Variants in TRMT11 observed in about 807,000 individuals in gnomAD.
The protein encoded by TRMT11 is tRNA (guanine(10)-N(2))-methyltransferase TRMT11.
In TRMT11, 53 loss-of-function variants were observed where a neutral mutation model predicts 62.8. The ratio of observed to expected loss-of-function variants is 0.84; its 90% confidence interval spans 0.68 to 1.06. The LOEUF (loss-of-function observed/expected upper bound fraction) is 1.06, where lower values mean the gene tolerates loss of function less well. Ranked by LOEUF, TRMT11 falls within the 50% of genes least tolerant of loss-of-function variation. The pLI is 0.00. For missense variants in TRMT11, 556 were observed against 553.4 expected (o/e 1.00, Z -0.05); for synonymous variants, 188 against 190.3 (o/e 0.99, Z 0.10).
At chr6:126,100,834 G>A (rs1777391107) in intron 17 of TRMT11, among the ~76,000 whole-genome samples, 1 of 152,116 alleles carries the variant, frequency 6.6e-6, no homozygotes, top group South Asian at 2.1e-4. Flanking sequence ...CCATAATGTA[G>A]AATCAGTGGG....
At chr6:126,174,984 A>G (rs1778369206), upstream of TRMT11, among the ~76,000 whole-genome samples, 1 of 152,250 alleles carries the variant, frequency 6.6e-6, no homozygotes. Context: ...AGAATGTTGT[A>G]TCAAAAGGAG....
chr6:126,103,440 C>T (rs1317428884), intron 17 of TRMT11, among the ~76,000 whole-genome samples: 1 of 152,188 alleles, frequency 6.6e-6, no homozygotes, highest in Non-Finnish European at 1.5e-5. Context: ...AAACAACACA[C>T]ATATATTTCT....
intron 17 of TRMT11, among the ~76,000 whole-genome samples, chr6:126,099,268 G>A (rs979884916): frequency 2.0e-5 from 3 of 152,150 alleles, no homozygotes; most frequent in Admixed American, 6.6e-5. Flanking sequence ...TGTTAATACC[G>A]CACATCTTTG....
the TRMT11 span, among the ~76,000 whole-genome samples, chr6:126,263,729 T>C: frequency 6.6e-6 from 1 of 152,170 alleles, no homozygotes; most frequent in Non-Finnish European, 1.5e-5. Context: ...TCTAGGGTAT[T>C]TGGGTATGTT....
At chr6:126,150,475 C>T (rs764252402) in intron 21 of TRMT11, among the ~76,000 whole-genome samples, 2 of 152,196 alleles carry the variant, frequency 1.3e-5, no homozygotes, top group Non-Finnish European at 2.9e-5. Flanking sequence ...GTACCTCAAT[C>T]GCTGTATCCA....
At chr6:125,994,287 A>G (rs1791098898) in intron 2 of TRMT11, among the ~76,000 whole-genome samples, 1 of 151,908 alleles carries the variant, frequency 6.6e-6, no homozygotes, top group Non-Finnish European at 1.5e-5. Context: ...GACGTGACTT[A>G]TAATTTGGGG....
intron 12 of TRMT11, among the ~76,000 whole-genome samples, chr6:126,024,667 T>C (rs1021486195): frequency 7.9e-5 from 12 of 152,336 alleles, no homozygotes; most frequent in Non-Finnish European, 1.5e-4. Flanking sequence ...CCTTAACATA[T>C]GAATTTTAGG....
chr6:126,068,841 T>C (rs576860335), intron 17 of TRMT11, among the ~76,000 whole-genome samples: 1 of 152,316 alleles, frequency 6.6e-6, no homozygotes, highest in Admixed American at 6.5e-5. Context: ...ACTAAGTGAA[T>C]CCCAAAAAGA....
the TRMT11 span, among the ~76,000 whole-genome samples, chr6:126,262,768 T>A: frequency 1.3e-5 from 2 of 152,216 alleles, no homozygotes; most frequent in Non-Finnish European, 1.5e-5. Context: ...GAAGCTACCC[T>A]GACTGCAAAC....
chr6:126,260,607 G>A, the TRMT11 span, among the ~76,000 whole-genome samples: 130 of 152,082 alleles, frequency 8.5e-4, 1 homozygote, highest in Non-Finnish European at 1.4e-3. Flanking sequence ...TTTCTTGTAG[G>A]GTTAGTCTAA....
Position 125,986,640 on chromosome 6 carries a change from T to C in TRMT11, c.72+18T>C. On this transcript the variant is annotated intron_variant, in intron 1 of 12. Transcript: ENST00000334379. ...GCCTGCCGGTGAGTCCGTAGCGCCC[T>C]CCGGAACTTCCGACGGAAGAGGACG... 6.4e-7 allele frequency: 1 copy of C among 1,568,628 alleles called. No homozygotes were observed. The highest frequency in any genetic ancestry group is 8.6e-7 in the Non-Finnish European group (1 of 1,158,144).
At chr6:126,091,784 C>T (rs1165635695) in intron 17 of TRMT11, among the ~76,000 whole-genome samples, 2 of 152,162 alleles carry the variant, frequency 1.3e-5, no homozygotes, top group Non-Finnish European at 2.9e-5. Flanking sequence ...ACTCCAGCAG[C>T]TATCTCTCAG....
chr6:126,271,028 A>C, the TRMT11 span, among the ~76,000 whole-genome samples: 2 of 152,162 alleles, frequency 1.3e-5, no homozygotes, highest in Non-Finnish European at 2.9e-5. Flanking sequence ...TGTTCTCATC[A>C]CACACATTTT....
intron 7 of TRMT11, among the ~76,000 whole-genome samples, chr6:126,001,200 T>G (rs77879444): frequency 0.026 from 3,953 of 152,238 alleles, 162 homozygotes; most frequent in African/African-American, 0.09. Context: ...CTTGCCAGTT[T>G]ACCCAGTAAT....
intron 21 of TRMT11, among the ~76,000 whole-genome samples, chr6:126,119,480 T>C (rs937715898): frequency 2.4e-5 from 3 of 124,360 alleles, no homozygotes; most frequent in Non-Finnish European, 5.2e-5. Flanking sequence ...TCTTCTTTGA[T>C]AAAAAAAAAA....
intron 17 of TRMT11, among the ~76,000 whole-genome samples, chr6:126,072,899 G>C (rs1776899058): frequency 6.6e-6 from 1 of 152,134 alleles, no homozygotes; most frequent in Non-Finnish European, 1.5e-5. Context: ...AACCATCACA[G>C]TTGGAATTCA....
chr6:126,207,192 C>T (rs1778798764), downstream of TRMT11, among the ~76,000 whole-genome samples: 1 of 152,176 alleles, frequency 6.6e-6, no homozygotes, highest in African/African-American at 2.4e-5. Context: ...GCACATTCCC[C>T]AGTCTAAGAT....
At chr6:126,192,124 T>A (rs991733630) in intron 1 of TRMT11, among the ~76,000 whole-genome samples, 9 of 152,158 alleles carry the variant, frequency 5.9e-5, no homozygotes, top group Admixed American at 1.3e-4. Flanking sequence ...ATTTCTTTCA[T>A]CAGTGTTTTA....
chr6:125,991,318 C>T (rs527789667), intron 1 of TRMT11, among the ~76,000 whole-genome samples: 17 of 151,998 alleles, frequency 1.1e-4, no homozygotes, highest in South Asian at 1.0e-3. Context: ...GTGGCGTGAC[C>T]GTGGCTCACT....
Sources: allele counts gnomAD v4.1 joint callset (sites outside exome capture counted in the v4.1 genomes callset), GRCh38; gene constraint gnomAD v4.1.1; transcripts MANE v1.5; gene names NCBI Gene and HGNC (gene_info 2026-07-23, HGNC 2026-07-21).